The following ELP4 variants were observed in gnomAD, a reference collection of about 807,000 sequenced individuals.
The protein encoded by ELP4 is elongator complex protein 4.
ELP4 carries 51 observed loss-of-function variants against 48.9 expected under a neutral mutation model. The observed-to-expected ratio is 1.04, with a 90% CI of 0.83 to 1.32. The LOEUF (loss-of-function observed/expected upper bound fraction) is 1.32, where lower values mean the gene tolerates loss of function less well. ELP4 is among the 40% of genes most tolerant of loss of function. The pLI, the probability that ELP4 is intolerant of heterozygous loss-of-function variation, is 0.00. For synonymous variants in ELP4, 210 were observed against 189.2 expected, an observed-to-expected ratio of 1.11 and a Z score of -0.90; for missense variants, 519 against 514.6, an observed-to-expected ratio of 1.01 and a Z score of -0.08.
chr11:31,748,657 C>T (rs1028033113), intron 9 of ELP4, among the ~76,000 whole-genome samples: 8 of 152,058 alleles, frequency 5.3e-5, no homozygotes, highest in Admixed American at 2.6e-4. Context: ...TCTCTTCTAC[C>T]TTAAGTGAGC....
Position 31,789,825 on chromosome 11 carries a change from C to T in ELP4, c.*6301C>T. 4 of 984,382 alleles carry T rather than the reference C, an allele frequency of 4.1e-6. No individual in the cohort carries two copies. Among genetic ancestry groups the T allele is most frequent in the Non-Finnish European group, 4.8e-6 (3 of 631,182 alleles). 61.0% of individuals were successfully genotyped at this position (984,382 alleles called of 1,614,324 possible). A position where few individuals can be genotyped will look rare whatever the true frequency, so the allele number is the denominator to read the frequency against. Reference sequence around the variant, plus strand: ...GGACACAATTGTAGAACTGAAGCGGCTCTAACAGCCATTTTTCTTTCTTTC... The same window carrying T: ...GGACACAATTGTAGAACTGAAGCGGTTCTAACAGCCATTTTTCTTTCTTTC... On this transcript the variant is annotated 3_prime_UTR_variant, in exon 10 of 10. Coordinates refer to ENST00000640961, the MANE Select transcript of ELP4 (RefSeq NM_019040.5).
chr11:31,669,444 A>G (rs907366894), intron 9 of ELP4, among the ~76,000 whole-genome samples: 1 of 152,132 alleles, frequency 6.6e-6, no homozygotes, highest in Non-Finnish European at 1.5e-5. Flanking sequence ...CTTGCTCTTC[A>G]TGTAGTCCTC....
chr11:31,604,657 CTATT>C (rs1301028093), intron 5 of ELP4, among the ~76,000 whole-genome samples: 2 of 151,866 alleles, frequency 1.3e-5, no homozygotes, highest in African/African-American at 4.8e-5. Context: ...ATGAGATGAG[CTATT>C]AAATGAAGAT....
At chr11:31,717,585 C>T (rs1285293990) in intron 9 of ELP4, among the ~76,000 whole-genome samples, 1 of 151,820 alleles carries the variant, frequency 6.6e-6, no homozygotes, top group African/African-American at 2.4e-5. Context: ...AAAACCTCAT[C>T]TCTACTAAAA....
intron 3 of ELP4, among the ~76,000 whole-genome samples, chr11:31,554,294 A>G (rs1334950076): frequency 6.6e-6 from 1 of 152,158 alleles, no homozygotes; most frequent in Non-Finnish European, 1.5e-5. Flanking sequence ...CCTGGTGCCA[A>G]AAAGGTTGGG....
Position 31,647,828 on chromosome 11 carries a change from C to T in ELP4, c.1015C>T (p.Pro339Ser), listed in dbSNP as rs772083794. 2.5e-6 allele frequency: 4 copies of T among 1,598,676 alleles called. No individual in the cohort carries two copies. The East Asian group carries it at 6.7e-5, about 27-fold the overall frequency. Residue 339 changes from proline to serine, a missense_variant, in exon 8 of 10, where the codon CCA (proline) becomes TCA (serine). Physicochemically the swap from Pro to Ser is moderately conservative, Grantham distance 74 (BLOSUM62 -1). Coordinates refer to ENST00000640961, the MANE Select transcript of ELP4 (RefSeq NM_019040.5). ...TATTGGTTCTGAGAGAGAAACTAAC[C>T]CATTGTATAAGGATTATCATGGTAA... ...SFIGSERETN[P>S]LYKDYHGLIH...
At chr11:31,768,241 T>C (rs185833456) in intron 9 of ELP4, among the ~76,000 whole-genome samples, 184 of 152,294 alleles carry the variant, frequency 1.2e-3, no homozygotes, top group African/African-American at 4.1e-3. Context: ...AATATATAAA[T>C]AGGCAAAACA....
chr11:31,714,034 A>G (rs1187126734), intron 9 of ELP4, among the ~76,000 whole-genome samples: 1 of 152,176 alleles, frequency 6.6e-6, no homozygotes, highest in African/African-American at 2.4e-5. Flanking sequence ...GAGTAGAAAT[A>G]TTATAAGAGA....
chr11:31,604,446 G>C (rs1232348024), intron 5 of ELP4, among the ~76,000 whole-genome samples: 1 of 151,702 alleles, frequency 6.6e-6, no homozygotes, highest in Non-Finnish European at 1.5e-5. Context: ...TTTAGAGTTT[G>C]GGTTTTAAGT....
At chr11:31,560,208 G>GT (rs1956995089) in intron 3 of ELP4, among the ~76,000 whole-genome samples, 1 of 152,042 alleles carries the variant, frequency 6.6e-6, no homozygotes, top group East Asian at 1.9e-4. Flanking sequence ...TAATTTAGGT[G>GT]TTGACAGTAG....
chr11:31,755,048 C>T (rs1947804684), intron 9 of ELP4, among the ~76,000 whole-genome samples: 1 of 152,080 alleles, frequency 6.6e-6, no homozygotes. Flanking sequence ...CAAGACTGAA[C>T]ATCATGTGCC....
At position 31,790,310 on chromosome 11, in the gene ELP4, G is replaced by T. The variant is rs1190267549; in HGVS notation, c.*6786G>T. 6.4e-6 allele frequency: 4 copies of T among 622,948 alleles called. No homozygotes were observed. Among genetic ancestry groups the T allele is most frequent in the Non-Finnish European group, 9.5e-6 (4 of 419,898 alleles). 38.6% of individuals were successfully genotyped at this position (622,948 alleles called of 1,614,324 possible). ...GCATGTTTGGAACTTTTACAATAAA[G>T]CTGTCTCTGGAAAACCAATGTGTCA... On this transcript the variant is annotated 3_prime_UTR_variant, in exon 10 of 10. Coordinates refer to ENST00000640961, the MANE Select transcript of ELP4 (RefSeq NM_019040.5).
chr11:31,597,838 A>C (rs1957700766), intron 4 of ELP4, among the ~76,000 whole-genome samples: 1 of 151,562 alleles, frequency 6.6e-6, no homozygotes, highest in South Asian at 2.1e-4. Context: ...AAGTGCTGGG[A>C]TTCCAGGTGT....
At chr11:31,626,121 C>T (rs1370984649) in intron 5 of ELP4, among the ~76,000 whole-genome samples, 1 of 151,820 alleles carries the variant, frequency 6.6e-6, no homozygotes, top group Admixed American at 6.6e-5. Flanking sequence ...CCTGAACCAC[C>T]TACCATTGAT....
chr11:31,612,200 C>CA (rs980290205), intron 5 of ELP4, among the ~76,000 whole-genome samples: 5 of 150,390 alleles, frequency 3.3e-5, no homozygotes, highest in African/African-American at 9.8e-5. Flanking sequence ...AATGTCAATG[C>CA]AAAAAAAATT....
intron 2 of ELP4, among the ~76,000 whole-genome samples, chr11:31,529,040 GTATA>G (rs34149746): frequency 1.4e-5 from 2 of 145,814 alleles, no homozygotes; most frequent in African/African-American, 2.5e-5. Context: ...TTGGCTATGT[GTATA>G]TATATATATA....
At chr11:31,655,383 A>G (rs1172919509) in intron 9 of ELP4, among the ~76,000 whole-genome samples, 1 of 152,020 alleles carries the variant, frequency 6.6e-6, no homozygotes, top group African/African-American at 2.4e-5. Flanking sequence ...GATAAGAAAA[A>G]AAAAAACATC....
intron 8 of ELP4, chr11:31,649,490 C>G (rs1592190682): frequency 6.6e-6 from 1 of 151,744 alleles, no homozygotes; most frequent in East Asian, 1.9e-4. Context: ...GGCCAAAGCT[C>G]ATGGTTTACC....
At chr11:31,728,937 A>C (rs184705575) in intron 9 of ELP4, among the ~76,000 whole-genome samples, 1 of 152,308 alleles carries the variant, frequency 6.6e-6, no homozygotes, top group Admixed American at 6.5e-5. Context: ...TTAGGAAGGC[A>C]TATTGAGCTT....
Sources: allele counts gnomAD v4.1 joint callset (sites outside exome capture counted in the v4.1 genomes callset), GRCh38; gene constraint gnomAD v4.1.1; transcripts MANE v1.5; gene names NCBI Gene and HGNC (gene_info 2026-07-23, HGNC 2026-07-21).